Variants in KCNH7 observed in about 807,000 individuals in gnomAD.
The protein encoded by KCNH7 is voltage-gated inwardly rectifying potassium channel KCNH7.
Under a neutral mutation model 120.8 loss-of-function variants are expected in KCNH7, and 49 were observed. The observed-to-expected ratio is 0.41, with a 90% CI of 0.32 to 0.51. The LOEUF is 0.51. KCNH7 is among the 20% of genes least tolerant of loss of function. KCNH7 has a pLI of 0.38. For synonymous variants in KCNH7, 547 were observed against 516.1 expected, an observed-to-expected ratio of 1.06 and a Z score of -0.81; for missense variants, 1,097 against 1,446.6, an observed-to-expected ratio of 0.76 and a Z score of 3.92.
intron 2 of KCNH7, among the ~76,000 whole-genome samples, chr2:162,561,489 A>T (rs1693062002): frequency 6.6e-6 from 1 of 152,154 alleles, no homozygotes; most frequent in Non-Finnish European, 1.5e-5. Context: ...CAATGGTTGA[A>T]CTAATTCACA....
chr2:162,761,785 G>A (rs1207225738), intron 2 of KCNH7, among the ~76,000 whole-genome samples: 1 of 152,098 alleles, frequency 6.6e-6, no homozygotes, highest in African/African-American at 2.4e-5. Flanking sequence ...GAGAAGCACA[G>A]ATGAGGGATT....
intron 2 of KCNH7, among the ~76,000 whole-genome samples, chr2:162,668,696 C>A (rs1685232908): frequency 6.6e-6 from 1 of 151,900 alleles, no homozygotes; most frequent in Non-Finnish European, 1.5e-5. Context: ...AAAACACACA[C>A]AAGAATAAGG....
chr2:162,669,110 CAAGTA>C (rs1431121761), intron 2 of KCNH7, among the ~76,000 whole-genome samples: 2 of 151,890 alleles, frequency 1.3e-5, no homozygotes, highest in Non-Finnish European at 2.9e-5. Context: ...AGGTGGATAT[CAAGTA>C]AAGGGTCATA....
intron 5 of KCNH7, among the ~76,000 whole-genome samples, chr2:162,506,330 A>G (rs554670017): frequency 1.3e-5 from 2 of 151,996 alleles, no homozygotes; most frequent in East Asian, 2.0e-4. Flanking sequence ...GGAAGTCTCC[A>G]GCCCACATCA....
intron 2 of KCNH7, among the ~76,000 whole-genome samples, chr2:162,624,903 T>G (rs1255726682): frequency 4.9e-5 from 7 of 142,034 alleles, no homozygotes; most frequent in East Asian, 4.1e-4. Context: ...TTTTTTTTTT[T>G]TTTTTTTTTT....
Position 162,694,018 on chromosome 2 carries a change from A to G in KCNH7, c.307+142519T>C, listed in dbSNP as rs78997856. Among the ~76,000 whole-genome samples the G allele has an allele frequency of 9.0e-3, 1,369 of 152,312 alleles. 19 individuals are homozygous for G. Among genetic ancestry groups the G allele is most frequent in the African/African-American group, 0.031 (1,305 of 41,564 alleles). ...TGAAGATTGATGAGATAGTGTTTTC[A>G]AAGTCCCTTAGAGAAAGGTATTATA... On this transcript the variant is annotated intron_variant, in intron 2 of 15. Coordinates refer to ENST00000332142, the MANE Select transcript of KCNH7 (RefSeq NM_033272.4).
In KCNH7 at chr2:162,382,162, C is replaced by T. The variant is rs13383122; in HGVS notation, c.2963-2141G>A. Among the ~76,000 whole-genome samples, 361 of 152,096 alleles carry T rather than the reference C, an allele frequency of 2.4e-3. 1 individual carries two copies. Among genetic ancestry groups the T allele is most frequent in the African/African-American group, 8.4e-3 (350 of 41,540 alleles). Reference sequence around the variant, plus strand: ...ATATAATAAATTGGTTTTTAAATGACAATGGTGAATCACATGCAATAAATT... The same window carrying T: ...ATATAATAAATTGGTTTTTAAATGATAATGGTGAATCACATGCAATAAATT... On this transcript the variant is annotated intron_variant, in intron 13 of 15. Coordinates refer to ENST00000332142, the MANE Select transcript of KCNH7 (RefSeq NM_033272.4).
chr2:162,660,519 G>A (rs2105276983), intron 2 of KCNH7, among the ~76,000 whole-genome samples: 1 of 152,146 alleles, frequency 6.6e-6, no homozygotes, highest in South Asian at 2.1e-4. Context: ...ATGCTTAATG[G>A]CATAGAATGT....
intron 4 of KCNH7, among the ~76,000 whole-genome samples, chr2:162,516,224 C>A (rs1691289627): frequency 6.6e-6 from 1 of 151,710 alleles, no homozygotes; most frequent in South Asian, 2.1e-4. Context: ...ACATATCTGA[C>A]AAGAATGACA....
intron 1 of KCNH7, among the ~76,000 whole-genome samples, chr2:162,837,514 C>G (rs10221628): frequency 0.6 from 91,294 of 151,996 alleles, 28,413 homozygotes; most frequent in South Asian, 0.84. Context: ...ACTATTTCCA[C>G]ATAGATTGTG....
chr2:162,717,295 C>G (rs1349398139), intron 2 of KCNH7, among the ~76,000 whole-genome samples: 1 of 151,998 alleles, frequency 6.6e-6, no homozygotes, highest in Non-Finnish European at 1.5e-5. Flanking sequence ...TACTGCTTTC[C>G]CCATTTGGCA....
At chr2:162,460,897 T>G (rs1203054206) in intron 6 of KCNH7, among the ~76,000 whole-genome samples, 1 of 152,218 alleles carries the variant, frequency 6.6e-6, no homozygotes, top group Non-Finnish European at 1.5e-5. Context: ...AATACCAGTA[T>G]GTAACTCATT....
intron 2 of KCNH7, among the ~76,000 whole-genome samples, chr2:162,757,340 A>C (rs1471177413): frequency 1.3e-5 from 2 of 152,108 alleles, no homozygotes; most frequent in Non-Finnish European, 2.9e-5. Context: ...TGTATTGAAA[A>C]AGCAGCTGCT....
At chr2:162,794,093 A>T (rs1305140847) in intron 2 of KCNH7, among the ~76,000 whole-genome samples, 1 of 152,062 alleles carries the variant, frequency 6.6e-6, no homozygotes, top group Non-Finnish European at 1.5e-5. Flanking sequence ...AAAGCTGAAA[A>T]AAATAAATAA....
intron 12 of KCNH7, among the ~76,000 whole-genome samples, chr2:162,391,890 T>C (rs930399403): frequency 6.6e-6 from 1 of 151,994 alleles, no homozygotes; most frequent in Non-Finnish European, 1.5e-5. Flanking sequence ...GAAGAACAGC[T>C]TAATAGTAGT....
chr2:162,683,750 A>G (rs939597151), intron 2 of KCNH7, among the ~76,000 whole-genome samples: 4 of 151,788 alleles, frequency 2.6e-5, no homozygotes, highest in African/African-American at 7.2e-5. Flanking sequence ...CAATCAATAT[A>G]AAAAGATATT....
intron 2 of KCNH7, among the ~76,000 whole-genome samples, chr2:162,631,962 C>G (rs1683783126): frequency 6.6e-6 from 1 of 152,044 alleles, no homozygotes; most frequent in South Asian, 2.1e-4. Flanking sequence ...ATATTAGAAA[C>G]AGTCCTGCTA....
intron 4 of KCNH7, 78 bp downstream of exon 4, chr2:162,517,652 T>C (rs1451030549): frequency 2.4e-6 from 3 of 1,241,898 alleles, no homozygotes; most frequent in Non-Finnish European, 3.3e-6. Flanking sequence ...AGATTATTGT[T>C]GAAATTTCAA....
At chr2:162,514,237 T>C (rs1359359216) in intron 4 of KCNH7, among the ~76,000 whole-genome samples, 1 of 151,808 alleles carries the variant, frequency 6.6e-6, no homozygotes, top group Non-Finnish European at 1.5e-5. Flanking sequence ...ACTGTGGCCT[T>C]AGATGACAAC....
Sources: allele counts gnomAD v4.1 joint callset (sites outside exome capture counted in the v4.1 genomes callset), GRCh38; gene constraint gnomAD v4.1.1; transcripts MANE v1.5; gene names NCBI Gene and HGNC (gene_info 2026-07-23, HGNC 2026-07-21).